The following PCDHA4 variants were observed in gnomAD, a reference collection of about 807,000 sequenced individuals.
PCDHA4 encodes protocadherin alpha 4, also known as protocadherin alpha-4.
A neutral mutation model predicts 61.4 loss-of-function variants in PCDHA4; 49 were observed. That is an observed-to-expected ratio of 0.80 (90% CI 0.63 to 1.01). The LOEUF (loss-of-function observed/expected upper bound fraction) is 1.01. Among genes scored for constraint, PCDHA4 ranks in the 50% least tolerant of loss-of-function variants. The pLI is 0.00. For missense variants in PCDHA4, 1,254 were observed against 1,235.8 expected (o/e 1.01, Z -0.22); for synonymous variants, 590 against 550.3 (o/e 1.07, Z -1.01).
At chr5:140,997,572 G>T (rs1457109655) in intron 3 of PCDHA4, among the ~76,000 whole-genome samples, 1 of 152,068 alleles carries the variant, frequency 6.6e-6, no homozygotes, top group Non-Finnish European at 1.5e-5. Context: ...CATATGTGTG[G>T]TCCGTTGTTG....
At chr5:140,974,151 G>A (rs2096617637) in intron 1 of PCDHA4, among the ~76,000 whole-genome samples, 1 of 152,118 alleles carries the variant, frequency 6.6e-6, no homozygotes, top group Non-Finnish European at 1.5e-5. Context: ...ACTATACAAG[G>A]GTTTTTCTTT....
intron 1 of PCDHA4, among the ~76,000 whole-genome samples, chr5:140,955,093 G>A (rs1554221774): frequency 6.6e-6 from 1 of 152,118 alleles, no homozygotes; most frequent in African/African-American, 2.4e-5. Flanking sequence ...TAGGTGTGTG[G>A]TGTTATTTCT....
chr5:140,997,958 G>A (rs890356748), intron 3 of PCDHA4, among the ~76,000 whole-genome samples: 3 of 152,126 alleles, frequency 2.0e-5, no homozygotes, highest in Non-Finnish European at 2.9e-5. Context: ...TGGCATTCAC[G>A]TACCTGTGGT....
At chr5:140,856,015 G>T (rs781811609) in intron 1 of PCDHA4, 3 of 1,550,260 alleles carry the variant, frequency 1.9e-6, no homozygotes, top group Non-Finnish European at 2.6e-6. Flanking sequence ...CTAGACCGCT[G>T]ATTCGTCGAT....
At chr5:141,000,361 GTCTCTCTC>G (rs148596731) in intron 3 of PCDHA4, among the ~76,000 whole-genome samples, 2,007 of 26,308 alleles carry the variant, frequency 0.076, 129 homozygotes, top group East Asian at 0.15. Context: ...GTCTCTCTCT[GTCTCTCTC>G]TCTCTCTCTC....
intron 1 of PCDHA4, among the ~76,000 whole-genome samples, chr5:140,941,773 T>G (rs2093165270): frequency 6.6e-6 from 1 of 152,262 alleles, no homozygotes; most frequent in South Asian, 2.1e-4. Context: ...GATAATTGTT[T>G]TAATGTTTTA....
At position 140,849,456 on chromosome 5, in the gene PCDHA4, G is replaced by A. The variant is rs148680565; in HGVS notation, c.2385+39884G>A. On this transcript the variant is annotated intron_variant, in intron 1 of 3. Transcript: ENST00000530339. ...AAGTAGAGCACACAAGATCCCAGTC[G>A]AGGCTGTCGATAAAGGCTTCCCACC... The A allele has an allele frequency of 1.5e-5, 24 of 1,587,206 alleles. 3 individuals carry two copies. Among genetic ancestry groups the A allele is most frequent in the Non-Finnish European group, 1.8e-5 (21 of 1,161,294 alleles).
intron 1 of PCDHA4, among the ~76,000 whole-genome samples, chr5:140,832,065 T>C (rs2150199482): frequency 1.3e-3 from 196 of 152,372 alleles, no homozygotes; most frequent in African/African-American, 4.5e-3. Flanking sequence ...CAATTTAATC[T>C]GAGATGTCTC....
rs781960813 is a variant in PCDHA4 at position 140,883,266 on chromosome 5, A to C, written c.2385+73694A>C. On this transcript the variant is annotated intron_variant, in intron 1 of 3. Transcript: ENST00000530339. ...AAAGGAAATATTCCAATGGCGGGTCATTGTACCCTTTTGGTGGAAGTACTA... is the reference window on the plus strand; with the variant it reads ...AAAGGAAATATTCCAATGGCGGGTCCTTGTACCCTTTTGGTGGAAGTACTA... 2.7e-5 allele frequency: 43 copies of C among 1,614,082 alleles called. No individual in the cohort carries two copies. In the African/African-American group the frequency reaches 4.7e-4, roughly 18 times the overall value.
At chr5:140,917,379 T>C (rs1393963383) in intron 1 of PCDHA4, among the ~76,000 whole-genome samples, 1 of 147,708 alleles carries the variant, frequency 6.8e-6, no homozygotes, top group African/African-American at 2.5e-5. Context: ...TCCACCTCAA[T>C]AGTCTGATGT....
intron 1 of PCDHA4, chr5:140,843,282 A>T (rs2150356425): frequency 6.3e-6 from 10 of 1,595,910 alleles, no homozygotes; most frequent in Non-Finnish European, 7.7e-6. Context: ...GTGAAGGATC[A>T]TGGTGAACCT....
At chr5:140,966,741 G>A in intron 1 of PCDHA4, 1 of 1,421,320 alleles carries the variant, frequency 7.0e-7, no homozygotes, top group Non-Finnish European at 9.1e-7. Context: ...GGCCCTGCCC[G>A]GCTGCCTCCG....
At chr5:140,882,577 C>A (rs370671644) in intron 1 of PCDHA4, 3 of 1,614,238 alleles carry the variant, frequency 1.9e-6, no homozygotes, top group South Asian at 2.2e-5. Flanking sequence ...CGGAGTGCAG[C>A]ATCCACCTGG....
rs781967971 is a variant in PCDHA4 at position 140,875,741 on chromosome 5, T to C, written c.2385+66169T>C. 10 of 1,614,098 alleles carry C rather than the reference T, an allele frequency of 6.2e-6. No homozygotes were observed. The highest frequency in any genetic ancestry group is 8.5e-6 in the Non-Finnish European group (10 of 1,180,040). On this transcript the variant is annotated intron_variant, in intron 1 of 3. Coordinates refer to ENST00000530339, the MANE Select transcript of PCDHA4 (RefSeq NM_018907.4). ...GGCATTTTGTTTGTGAATTCTCGGA[T>C]CGACCGCGAGAAGCTGTGCGGGCGG...
intron 1 of PCDHA4, among the ~76,000 whole-genome samples, chr5:140,840,246 A>T (rs189141178): frequency 2.6e-5 from 4 of 152,184 alleles, no homozygotes; most frequent in African/African-American, 9.6e-5. Context: ...TCACTATGCT[A>T]TAAAAATTGT....
At position 141,009,895 on chromosome 5, in the gene PCDHA4, A is replaced by G; in HGVS notation, c.2802A>G (p.Lys934=). ...AGAAGGGTAACAAGACCCAGGAGAA[A>G]AAAGAGAAAGGGAACAGCACGACTG... ...KKKKGNKTQE[K]KEKGNSTTDN... The change falls in exon 4 of 4, where the codon AAA becomes AAG. Residue 934 remains lysine (K), a synonymous_variant. Coordinates refer to ENST00000530339, the MANE Select transcript of PCDHA4 (RefSeq NM_018907.4). 2 of 1,613,224 alleles carry G rather than the reference A, an allele frequency of 1.2e-6. No homozygotes were observed. Among genetic ancestry groups the G allele is most frequent in the Non-Finnish European group, 1.7e-6 (2 of 1,179,866 alleles).
chr5:140,883,817 G>A, intron 1 of PCDHA4: 1 of 1,612,636 alleles, frequency 6.2e-7, no homozygotes, highest in Non-Finnish European at 8.5e-7. Context: ...GAGCGGCAAG[G>A]TGTACGCGCT....
intron 1 of PCDHA4, chr5:140,927,167 C>A (rs782612848): frequency 6.2e-7 from 1 of 1,614,164 alleles, no homozygotes; most frequent in Admixed American, 1.7e-5. Context: ...GCCAAAGCTG[C>A]CTGCGTCTTG....
At chr5:140,993,917 A>G (rs779939413) in intron 3 of PCDHA4, among the ~76,000 whole-genome samples, 1 of 152,190 alleles carries the variant, frequency 6.6e-6, no homozygotes, top group Admixed American at 6.5e-5. Flanking sequence ...CTAGTGATGC[A>G]TTTCTCAGAA....
Sources: allele counts gnomAD v4.1 joint callset (sites outside exome capture counted in the v4.1 genomes callset), GRCh38; gene constraint gnomAD v4.1.1; transcripts MANE v1.5; gene names NCBI Gene and HGNC (gene_info 2026-07-23, HGNC 2026-07-21).